EIF4EBP1: variants seen among roughly 807,000 people sequenced by gnomAD.
EIF4EBP1 encodes eukaryotic translation initiation factor 4E binding protein 1.
EIF4EBP1 carries 5 observed loss-of-function variants against 9.2 expected under a neutral mutation model. That is an observed-to-expected ratio of 0.54 (90% confidence interval 0.28 to 1.14). The LOEUF is 1.14. Ranked by LOEUF, EIF4EBP1 falls within the 50% of genes most tolerant of loss-of-function variation. The pLI, the probability that EIF4EBP1 is intolerant of heterozygous loss-of-function variation, is 0.09. For missense variants in EIF4EBP1, 139 were observed against 169.6 expected (o/e 0.82, Z 1.00); for synonymous variants, 62 against 67.0 (o/e 0.93, Z 0.36).
chr8:38,052,820 T>C (rs1306102366), intron 1 of EIF4EBP1, among the ~76,000 whole-genome samples: 1 of 151,894 alleles, frequency 6.6e-6, no homozygotes, highest in East Asian at 1.9e-4. Flanking sequence ...CCCAAAGTGC[T>C]GGGATTGCAG....
intron 1 of EIF4EBP1, among the ~76,000 whole-genome samples, chr8:38,039,097 G>C (rs989278832): frequency 6.6e-6 from 1 of 151,876 alleles, no homozygotes; most frequent in Non-Finnish European, 1.5e-5. Context: ...TCTCTATATT[G>C]GTCAGGCTGG....
At chr8:38,044,292 G>T (rs752152574) in intron 1 of EIF4EBP1, among the ~76,000 whole-genome samples, 5 of 152,178 alleles carry the variant, frequency 3.3e-5, no homozygotes, top group African/African-American at 7.2e-5. Flanking sequence ...GTCCTATCCA[G>T]CCGCAGAGTA....
At chr8:38,038,192 T>C (rs1297773011) in intron 1 of EIF4EBP1, among the ~76,000 whole-genome samples, 2 of 152,084 alleles carry the variant, frequency 1.3e-5, no homozygotes, top group Non-Finnish European at 2.9e-5. Context: ...TCAGTAGGAA[T>C]TGTACTTTTA....
At chr8:38,033,743 C>CTTTTTT (rs34809551) in intron 1 of EIF4EBP1, among the ~76,000 whole-genome samples, 11 of 104,250 alleles carry the variant, frequency 1.1e-4, no homozygotes, top group East Asian at 2.8e-4. Flanking sequence ...GTTTGCTTTC[C>CTTTTTT]TTTTTTTTTT....
intron 1 of EIF4EBP1, among the ~76,000 whole-genome samples, chr8:38,055,364 A>G (rs1809581898): frequency 6.6e-6 from 1 of 152,166 alleles, no homozygotes; most frequent in South Asian, 2.1e-4. Context: ...AGTGTAAGAA[A>G]TGAATCTCAG....
intron 1 of EIF4EBP1, chr8:38,047,210 G>A (rs1809459184): frequency 6.6e-6 from 1 of 152,112 alleles, no homozygotes; most frequent in Admixed American, 6.6e-5. Flanking sequence ...CTTGTTTACG[G>A]GTCTTTCTCG....
At chr8:38,032,880 GCAGA>G (rs1189992304) in intron 1 of EIF4EBP1, among the ~76,000 whole-genome samples, 1 of 152,112 alleles carries the variant, frequency 6.6e-6, no homozygotes, top group African/African-American at 2.4e-5. Flanking sequence ...CTCTGCCAGG[GCAGA>G]GAAGCCAAAA....
At chr8:38,044,888 A>G (rs945620035) in intron 1 of EIF4EBP1, among the ~76,000 whole-genome samples, 10 of 152,188 alleles carry the variant, frequency 6.6e-5, no homozygotes, top group African/African-American at 2.2e-4. Context: ...AATAAGACCT[A>G]GCACGTCAGG....
intron 1 of EIF4EBP1, among the ~76,000 whole-genome samples, chr8:38,031,610 G>A (rs1162387096): frequency 1.3e-5 from 2 of 152,060 alleles, no homozygotes; most frequent in East Asian, 3.9e-4. Flanking sequence ...TCTCCTCCAC[G>A]CTGCTTTCCA....
intron 1 of EIF4EBP1, among the ~76,000 whole-genome samples, chr8:38,034,376 A>G (rs1056332001): frequency 2.0e-5 from 3 of 152,078 alleles, no homozygotes; most frequent in African/African-American, 7.2e-5. Flanking sequence ...GTCATTAACC[A>G]TTTGCACACT....
chr8:38,035,240 A>G (rs144294230), intron 1 of EIF4EBP1, among the ~76,000 whole-genome samples: 3,578 of 152,258 alleles, frequency 0.023, 143 homozygotes, highest in African/African-American at 0.08. Context: ...ATTTTGAGAC[A>G]GAGTTTCGCT....
intron 1 of EIF4EBP1, among the ~76,000 whole-genome samples, chr8:38,038,980 C>T (rs1809339650): frequency 6.6e-6 from 1 of 151,726 alleles, no homozygotes; most frequent in Non-Finnish European, 1.5e-5. Context: ...GCAACCTCTG[C>T]CTCCCAGGTT....
At chr8:38,036,216 A>G (rs1809300511) in intron 1 of EIF4EBP1, among the ~76,000 whole-genome samples, 1 of 151,762 alleles carries the variant, frequency 6.6e-6, no homozygotes, top group African/African-American at 2.4e-5. Context: ...CTAGTTTTTT[A>G]TTATTTGAAA....
intron 1 of EIF4EBP1, among the ~76,000 whole-genome samples, chr8:38,034,193 C>T (rs528518791): frequency 1.3e-5 from 2 of 151,960 alleles, no homozygotes; most frequent in South Asian, 2.1e-4. Flanking sequence ...ACTATAGGCA[C>T]GTGCCACCAT....
chr8:38,044,311 G>A (rs1809422544), intron 1 of EIF4EBP1, among the ~76,000 whole-genome samples: 1 of 152,212 alleles, frequency 6.6e-6, no homozygotes, highest in Admixed American at 6.5e-5. Flanking sequence ...TATGGGCACT[G>A]GAGGGCTATG....
intron 1 of EIF4EBP1, among the ~76,000 whole-genome samples, chr8:38,031,508 G>C (rs985002224): frequency 6.6e-6 from 1 of 152,170 alleles, no homozygotes; most frequent in South Asian, 2.1e-4. Context: ...AAACCTACGC[G>C]CCTGTTTGCA....
intron 1 of EIF4EBP1, among the ~76,000 whole-genome samples, chr8:38,048,688 T>C (rs1346302201): frequency 6.6e-6 from 1 of 152,072 alleles, no homozygotes; most frequent in African/African-American, 2.4e-5. Flanking sequence ...CTGAAATGTC[T>C]CTATGGCCAG....
chr8:38,039,593 G>A (rs967031921), intron 1 of EIF4EBP1, among the ~76,000 whole-genome samples: 1 of 151,540 alleles, frequency 6.6e-6, no homozygotes, highest in African/African-American at 2.4e-5. Flanking sequence ...TAGTAGAGAT[G>A]GGGTTTCACC....
At chr8:38,031,158 C>T (rs921779727) in intron 1 of EIF4EBP1, among the ~76,000 whole-genome samples, 10 of 152,210 alleles carry the variant, frequency 6.6e-5, no homozygotes, top group East Asian at 5.8e-4. Context: ...CTTTTTCCTT[C>T]CCGAAGCACG....
Sources: gnomAD v4.1 joint callset for allele counts (sites outside exome capture counted in the v4.1 genomes callset) on GRCh38, gnomAD v4.1.1 for gene constraint, MANE v1.5 for transcripts, NCBI Gene and HGNC (gene_info 2026-07-23, HGNC 2026-07-21) for gene names.